PHTF2: variants seen among roughly 807,000 people sequenced by gnomAD.
The protein encoded by PHTF2 is protein PHTF2.
Under a neutral mutation model 101.2 loss-of-function variants are expected in PHTF2, and 60 were observed. The ratio of observed to expected loss-of-function variants is 0.59; its 90% CI spans 0.48 to 0.73. The LOEUF (loss-of-function observed/expected upper bound fraction) is 0.73, where lower values mean the gene tolerates loss of function less well. Among genes scored for constraint, PHTF2 ranks in the 30% least tolerant of loss-of-function variants. The pLI, the probability that PHTF2 is intolerant of heterozygous loss-of-function variation, is 0.00. For missense variants in PHTF2, 747 were observed against 908.7 expected (o/e 0.82, Z 2.29); for synonymous variants, 311 against 307.3 (o/e 1.01, Z -0.13).
intron 5 of PHTF2, chr7:77,896,037 CATT>C (rs1255959748): frequency 2.6e-5 from 4 of 151,972 alleles, no homozygotes; most frequent in South Asian, 4.2e-4. Context: ...AAGTTGTTCT[CATT>C]ATTTTTTTTT....
chr7:77,868,598 C>T lies in PHTF2; in HGVS notation c.147+13764C>T, dbSNP rs574031870. ...ATACCTGAAATGGGTAGCACATTTA[C>T]TTAATTCTCATCTAAACAAGTAATT... On this transcript the variant is annotated intron_variant, in intron 3 of 19. Transcript: ENST00000416283. Among the ~76,000 whole-genome samples the T allele has an allele frequency of 2.0e-5, 3 of 152,292 alleles. No individual in the cohort carries two copies. The South Asian group carries it at 6.2e-4, about 32-fold the overall frequency.
intron 1 of PHTF2, among the ~76,000 whole-genome samples, chr7:77,823,594 T>C (rs2150526862): frequency 6.6e-6 from 1 of 152,342 alleles, no homozygotes; most frequent in African/African-American, 2.4e-5. Flanking sequence ...TTTAATTTCC[T>C]TAGAAGGAAT....
At chr7:77,854,423 C>T (rs117897760) in intron 2 of PHTF2, among the ~76,000 whole-genome samples, 3,355 of 152,246 alleles carry the variant, frequency 0.022, 51 homozygotes, top group Middle Eastern at 0.068. Context: ...CTGTGTCTTG[C>T]CCAAGGCCTA....
chr7:77,852,166 C>T (rs779482689), intron 2 of PHTF2, among the ~76,000 whole-genome samples: 22 of 152,154 alleles, frequency 1.4e-4, no homozygotes, highest in Non-Finnish European at 2.9e-4. Context: ...GCTGGGACCA[C>T]AGGCATGTGC....
At chr7:77,917,449 A>G (rs60432998) in intron 9 of PHTF2, among the ~76,000 whole-genome samples, 11,482 of 152,218 alleles carry the variant, frequency 0.075, 531 homozygotes, top group South Asian at 0.19. Context: ...GGTCCTTTAC[A>G]ATTACATTTA....
intron 16 of PHTF2, among the ~76,000 whole-genome samples, chr7:77,945,848 A>C (rs529185420): frequency 1.6e-3 from 244 of 152,342 alleles, no homozygotes; most frequent in Middle Eastern, 0.01. Flanking sequence ...TATGCCACCA[A>C]CAAAAATCCT....
chr7:77,949,709 G>C (rs1225553025), exon 17 of PHTF2: 3 of 1,575,730 alleles, frequency 1.9e-6, no homozygotes, highest in Non-Finnish European at 2.6e-6. Context: ...TTCCTTGATT[G>C]TCACTACAAT....
intron 9 of PHTF2, among the ~76,000 whole-genome samples, chr7:77,916,807 T>A (rs1352565794): frequency 6.6e-6 from 1 of 152,200 alleles, no homozygotes; most frequent in Non-Finnish European, 1.5e-5. Flanking sequence ...TTATACTGTA[T>A]TGCTTAGGGA....
intron 1 of PHTF2, among the ~76,000 whole-genome samples, chr7:77,801,348 G>A (rs1286015021): frequency 6.6e-6 from 1 of 152,186 alleles, no homozygotes; most frequent in South Asian, 2.1e-4. Flanking sequence ...CACTTTGGGA[G>A]GCCAAGGCGG....
At chr7:77,944,579 A>T (rs1255779618) in intron 16 of PHTF2, among the ~76,000 whole-genome samples, 1 of 152,192 alleles carries the variant, frequency 6.6e-6, no homozygotes, top group African/African-American at 2.4e-5. Flanking sequence ...GGCTGTTTGG[A>T]GGCATGCGAC....
intron 5 of PHTF2, 122 bp downstream of exon 4, chr7:77,894,115 G>A: frequency 1.2e-6 from 1 of 822,184 alleles, no homozygotes; most frequent in East Asian, 2.4e-5. Context: ...TCACTGAAAA[G>A]TTGGTCATTT....
At chr7:77,849,797 C>A (rs1361471624) in intron 2 of PHTF2, among the ~76,000 whole-genome samples, 4 of 152,116 alleles carry the variant, frequency 2.6e-5, no homozygotes, top group African/African-American at 9.7e-5. Flanking sequence ...TTCTTGATTT[C>A]TCTTTCAGAT....
chr7:77,834,267 C>G (rs962887753), intron 1 of PHTF2, among the ~76,000 whole-genome samples: 18 of 143,378 alleles, frequency 1.3e-4, no homozygotes, highest in African/African-American at 4.5e-4. Context: ...GAGCCCTGAT[C>G]GTGCCACTGC....
chr7:77,928,681 A>G (rs1804288165), intron 11 of PHTF2, among the ~76,000 whole-genome samples: 1 of 152,150 alleles, frequency 6.6e-6, no homozygotes, highest in South Asian at 2.1e-4. Flanking sequence ...GCATCTCAGG[A>G]ATATTGTATT....
intron 16 of PHTF2, among the ~76,000 whole-genome samples, chr7:77,947,522 C>T (rs925315385): frequency 1.1e-4 from 17 of 151,894 alleles, no homozygotes; most frequent in African/African-American, 3.6e-4. Flanking sequence ...AAGATAACGC[C>T]ACTGCACTCC....
intron 1 of PHTF2, among the ~76,000 whole-genome samples, chr7:77,809,932 C>T (rs866650206): frequency 2.0e-5 from 3 of 152,064 alleles, no homozygotes; most frequent in Admixed American, 6.6e-5. Flanking sequence ...CCATTGCAAC[C>T]ACACTAAATG....
rs185872805 is a variant in PHTF2, at chr7:77,925,661, C to T, written c.1119+2883C>T. On this transcript the variant is annotated intron_variant, in intron 11 of 19. Transcript: ENST00000416283. ...TTGTATTTTAATAGAGATGGGGTTT[C>T]GCCCTGTTGGCTAGGCTGGTCTTGA... Among the ~76,000 whole-genome samples the T allele has an allele frequency of 2.6e-3, 398 of 151,730 alleles. 1 individual carries two copies. Among genetic ancestry groups the T allele is most frequent in the Non-Finnish European group, 4.5e-3 (303 of 67,914 alleles).
chr7:77,926,193 C>T (rs1201265388), intron 11 of PHTF2, among the ~76,000 whole-genome samples: 1 of 152,172 alleles, frequency 6.6e-6, no homozygotes, highest in Non-Finnish European at 1.5e-5. Flanking sequence ...TCCTGATTAA[C>T]AAGTCTGCAA....
intron 5 of PHTF2, among the ~76,000 whole-genome samples, chr7:77,898,179 T>C (rs1801052920): frequency 6.6e-6 from 1 of 152,108 alleles, no homozygotes; most frequent in Non-Finnish European, 1.5e-5. Context: ...TGAAAAACAG[T>C]AGTTGCACAT....
Sources: gnomAD v4.1 joint callset for allele counts (sites outside exome capture counted in the v4.1 genomes callset) on GRCh38, gnomAD v4.1.1 for gene constraint, MANE v1.5 for transcripts, NCBI Gene and HGNC (gene_info 2026-07-23, HGNC 2026-07-21) for gene names.